WWOX: variants seen among roughly 807,000 people sequenced by gnomAD.
WWOX encodes the protein WW domain-containing oxidoreductase.
In WWOX, 69 loss-of-function variants were observed where a neutral mutation model predicts 46.2. The observed-to-expected ratio is 1.49, with a 90% CI of 1.23 to 1.82. The LOEUF (loss-of-function observed/expected upper bound fraction) is 1.82. Ranked by LOEUF, WWOX falls within the 40% of genes most tolerant of loss-of-function variation. The pLI is 0.00. For synonymous variants in WWOX, 359 were observed against 202.6 expected, an observed-to-expected ratio of 1.77 and a Z score of -6.56; for missense variants, 919 against 542.6, an observed-to-expected ratio of 1.69 and a Z score of -6.89.
At chr16:78,332,000 G>A (rs1050956324) in intron 5 of WWOX, among the ~76,000 whole-genome samples, 2 of 152,146 alleles carry the variant, frequency 1.3e-5, no homozygotes, top group Admixed American at 6.5e-5. Context: ...CATCAGAGCC[G>A]AGGAAGGTCA....
At chr16:79,100,075 A>G (rs548777883) in intron 8 of WWOX, among the ~76,000 whole-genome samples, 40 of 152,326 alleles carry the variant, frequency 2.6e-4, no homozygotes, top group African/African-American at 9.6e-4. Flanking sequence ...AGACCATCTA[A>G]GATTATCTCC....
chr16:78,322,371 TAAGGA>T, intron 5 of WWOX, among the ~76,000 whole-genome samples: 2 of 152,326 alleles, frequency 1.3e-5, no homozygotes, highest in South Asian at 4.1e-4. Context: ...AAGTTTTTCT[TAAGGA>T]AATAGTATAT....
chr16:78,411,793 G>A (rs566068519), intron 6 of WWOX, among the ~76,000 whole-genome samples: 1 of 152,192 alleles, frequency 6.6e-6, no homozygotes, highest in Admixed American at 6.5e-5. Context: ...AACATGGAGT[G>A]ACATGAAGTC....
chr16:78,828,087 G>C (rs1202277770), intron 8 of WWOX, among the ~76,000 whole-genome samples: 2 of 152,130 alleles, frequency 1.3e-5, no homozygotes, highest in Non-Finnish European at 2.9e-5. Flanking sequence ...AGCTCCTCAG[G>C]CTGTGAGGCC....
intron 5 of WWOX, among the ~76,000 whole-genome samples, chr16:78,190,171 G>A (rs1364273846): frequency 6.6e-6 from 1 of 152,194 alleles, no homozygotes; most frequent in Non-Finnish European, 1.5e-5. Flanking sequence ...GCTAAGATGA[G>A]CACTTGGCTT....
chr16:78,495,653 C>G (rs1476664556), intron 8 of WWOX, among the ~76,000 whole-genome samples: 2 of 151,668 alleles, frequency 1.3e-5, no homozygotes, highest in Non-Finnish European at 2.9e-5. Context: ...GGACTACAGG[C>G]CAACGCCACG....
chr16:78,481,495 G>A (rs1037468401), intron 8 of WWOX, among the ~76,000 whole-genome samples: 5 of 152,094 alleles, frequency 3.3e-5, no homozygotes, highest in African/African-American at 7.2e-5. Context: ...GAACTTTGCA[G>A]GATGTTCGTT....
chr16:78,440,425 G>A (rs1193637998), intron 8 of WWOX, among the ~76,000 whole-genome samples: 1 of 152,048 alleles, frequency 6.6e-6, no homozygotes. Context: ...CACACGTCAA[G>A]GAAGCAGTTT....
intron 4 of WWOX, among the ~76,000 whole-genome samples, chr16:78,161,805 T>C (rs2034802950): frequency 6.6e-6 from 1 of 152,104 alleles, no homozygotes; most frequent in Non-Finnish European, 1.5e-5. Flanking sequence ...TTTGTAGAGA[T>C]TTACATCTTG....
chr16:78,589,051 C>T lies in WWOX; in HGVS notation c.1056+156299C>T, dbSNP rs75863134. The stretch of plus-strand genomic sequence containing the variant: ...ATCTGCACCAACCTCCTTATTAAGA[C>T]CTTATCAGTTACCTGTAGATTCTCC... On this transcript the variant is annotated intron_variant, in intron 8 of 8. Coordinates refer to ENST00000566780, the MANE Select transcript of WWOX (RefSeq NM_016373.4). Among the ~76,000 whole-genome samples the T allele has an allele frequency of 2.5e-3, 376 of 152,300 alleles. 2 individuals carry two copies. The highest frequency in any genetic ancestry group is 8.7e-3 in the African/African-American group (363 of 41,564).
intron 4 of WWOX, among the ~76,000 whole-genome samples, chr16:78,117,394 T>C (rs2032853224): frequency 6.6e-6 from 1 of 152,056 alleles, no homozygotes; most frequent in African/African-American, 2.4e-5. Flanking sequence ...TCCCCTCCAC[T>C]CTTGGGAAGC....
At position 79,105,660 on chromosome 16, in the gene WWOX, GT is replaced by G. The variant is rs1221027113; in HGVS notation, c.1057-105934del. Among the ~76,000 whole-genome samples, 743 of 138,782 alleles carry G rather than the reference GT, an allele frequency of 5.4e-3. 3 individuals carry two copies. The highest frequency in any genetic ancestry group is 0.016 in the African/African-American group (587 of 36,858). The allele number at this position is 138,782 out of a possible 152,430, so 91.0% of individuals were successfully genotyped here. On this transcript the variant is annotated intron_variant, in intron 8 of 8. Transcript: ENST00000566780. ...TATAGAATACTGTGAATGTCTTTTT[GT>G]TTTTTTTTTTTTTGTTTGCGAGACA...
At chr16:79,199,263 A>G (rs180956784) in intron 8 of WWOX, among the ~76,000 whole-genome samples, 1,627 of 152,182 alleles carry the variant, frequency 0.011, 37 homozygotes, top group Non-Finnish European at 0.012. Context: ...AGGTTTCACC[A>G]TGTTGGCCAG....
intron 8 of WWOX, among the ~76,000 whole-genome samples, chr16:78,592,003 TG>T (rs1227224527): frequency 6.6e-6 from 1 of 152,220 alleles, no homozygotes; most frequent in African/African-American, 2.4e-5. Flanking sequence ...ATATCCAGAT[TG>T]ATTATCCCTC....
intron 8 of WWOX, among the ~76,000 whole-genome samples, chr16:78,931,156 G>A (rs1357359573): frequency 1.3e-5 from 2 of 152,152 alleles, no homozygotes; most frequent in East Asian, 1.9e-4. Context: ...AGGAGCTTAC[G>A]AAAACAGAGC....
At chr16:78,919,144 CAAT>C (rs2045318502) in intron 8 of WWOX, among the ~76,000 whole-genome samples, 1 of 152,132 alleles carries the variant, frequency 6.6e-6, no homozygotes, top group Non-Finnish European at 1.5e-5. Context: ...ACAATGACCG[CAAT>C]AACCAACATA....
intron 8 of WWOX, among the ~76,000 whole-genome samples, chr16:78,497,713 C>A (rs539439641): frequency 6.6e-6 from 1 of 152,126 alleles, no homozygotes; most frequent in Non-Finnish European, 1.5e-5. Flanking sequence ...GATTGGATTT[C>A]CAAAATGTGG....
chr16:78,656,066 C>T (rs768094449), intron 8 of WWOX, among the ~76,000 whole-genome samples: 1 of 152,188 alleles, frequency 6.6e-6, no homozygotes, highest in African/African-American at 2.4e-5. Flanking sequence ...GGTTATTCTT[C>T]TCTCTTTCTG....
intron 6 of WWOX, among the ~76,000 whole-genome samples, chr16:78,412,395 G>A (rs1002084248): frequency 6.6e-6 from 1 of 152,190 alleles, no homozygotes; most frequent in Admixed American, 6.5e-5. Context: ...TGAGATTCTG[G>A]AACTTGGAAA....
Sources: gnomAD v4.1 joint callset for allele counts (sites outside exome capture counted in the v4.1 genomes callset) on GRCh38, gnomAD v4.1.1 for gene constraint, MANE v1.5 for transcripts, NCBI Gene and HGNC (gene_info 2026-07-23, HGNC 2026-07-21) for gene names.